Variants in FLT1 observed in about 807,000 individuals in gnomAD.
The protein encoded by FLT1 is fms related receptor tyrosine kinase 1.
In FLT1, 49 loss-of-function variants were observed where a neutral mutation model predicts 156.3. That is an observed-to-expected ratio of 0.31 (90% CI 0.25 to 0.40). The LOEUF is 0.40. FLT1 is among the 10% of genes least tolerant of loss of function. The probability of loss-of-function intolerance (pLI) is 1.00; values close to 1 mark genes in which losing one functional copy is unlikely to be tolerated. For synonymous variants in FLT1, 594 were observed against 583.8 expected (o/e 1.02, Z -0.25); for missense variants, 1,322 against 1,637.2 (o/e 0.81, Z 3.32).
At chr13:28,412,385 T>TTCCTTCCTTCC (rs1876326892) in intron 10 of FLT1, among the ~76,000 whole-genome samples, 1 of 84,940 alleles carries the variant, frequency 1.2e-5, no homozygotes, top group African/African-American at 3.7e-5. Context: ...TCTTTCTTTC[T>TTCCTTCCTTCC]TTCTTTCTTT....
chr13:28,406,723 G>A (rs888849107), intron 10 of FLT1, among the ~76,000 whole-genome samples: 2 of 152,072 alleles, frequency 1.3e-5, no homozygotes, highest in Non-Finnish European at 2.9e-5. Context: ...ATAGGTCACT[G>A]CAGCCTCGAA....
chr13:28,318,008 G>A (rs1350104808), intron 24 of FLT1, among the ~76,000 whole-genome samples: 1 of 152,094 alleles, frequency 6.6e-6, no homozygotes, highest in African/African-American at 2.4e-5. Context: ...CACCAGGCTG[G>A]AGTGTGGTGG....
intron 10 of FLT1, among the ~76,000 whole-genome samples, chr13:28,421,953 G>C (rs1472007025): frequency 6.6e-6 from 1 of 152,186 alleles, no homozygotes; most frequent in African/African-American, 2.4e-5. Context: ...TTGCTTCCTT[G>C]ATTCCCAATT....
At chr13:28,384,231 T>G (rs573508996) in intron 14 of FLT1, among the ~76,000 whole-genome samples, 23 of 152,148 alleles carry the variant, frequency 1.5e-4, no homozygotes, top group African/African-American at 4.8e-4. Context: ...GTCAGGAGTT[T>G]GAGACCAGCC....
At chr13:28,451,882 T>A (rs1878961376) in intron 3 of FLT1, among the ~76,000 whole-genome samples, 2 of 152,246 alleles carry the variant, frequency 1.3e-5, no homozygotes, top group South Asian at 4.2e-4. Flanking sequence ...GTGGAGGAAC[T>A]GGAGGTGGGA....
intron 14 of FLT1, among the ~76,000 whole-genome samples, chr13:28,369,057 A>G (rs918952729): frequency 2.6e-5 from 4 of 152,336 alleles, no homozygotes; most frequent in Admixed American, 2.6e-4. Context: ...ACTAAGAACC[A>G]GAAGAGCCAA....
chr13:28,309,336 C>T (rs572658788), intron 27 of FLT1, among the ~76,000 whole-genome samples: 5 of 130,582 alleles, frequency 3.8e-5, no homozygotes, highest in East Asian at 1.9e-4. Flanking sequence ...CATGGCTACA[C>T]GGCTAAATAT....
intron 10 of FLT1, among the ~76,000 whole-genome samples, chr13:28,419,721 T>A (rs540160396): frequency 6.6e-6 from 1 of 152,140 alleles, no homozygotes; most frequent in Admixed American, 6.5e-5. Flanking sequence ...CTACTAAAAT[T>A]ACAAAAAATT....
chr13:28,365,119 A>C (rs917791177), intron 14 of FLT1, among the ~76,000 whole-genome samples: 10 of 152,164 alleles, frequency 6.6e-5, no homozygotes, highest in Admixed American at 2.0e-4. Flanking sequence ...TTCTACCAAT[A>C]AGTGTTTTTA....
At position 28,449,817 on chromosome 13, in the gene FLT1, T is replaced by TTTTGTTTTG. The variant is rs529046673; in HGVS notation, c.389-11481_389-11473dup. 7.2e-5 allele frequency among the ~76,000 whole-genome samples: 11 copies of TTTTGTTTTG among 152,364 alleles called. No individual in the cohort carries two copies. In the South Asian group the frequency reaches 2.3e-3, roughly 32 times the overall value. The stretch of plus-strand genomic sequence containing the variant: ...AAGAAAGACATTGCTTTTTGTTTTG[T>TTTTGTTTTG]TTTGTTTTGTTTGTTTTGCATTGCT... On this transcript the variant is annotated intron_variant, in intron 3 of 29. Coordinates refer to ENST00000282397, the MANE Select transcript of FLT1 (RefSeq NM_002019.4).
intron 25 of FLT1, among the ~76,000 whole-genome samples, chr13:28,313,390 T>C (rs192443382): frequency 3.9e-4 from 60 of 152,312 alleles, no homozygotes; most frequent in African/African-American, 1.0e-3. Flanking sequence ...CAGAGGTCCA[T>C]ACACACACTG....
intron 13 of FLT1, chr13:28,388,626 C>T (rs1216857915): frequency 9.5e-7 from 1 of 1,054,508 alleles, no homozygotes; most frequent in Non-Finnish European, 1.1e-6. Flanking sequence ...TTTTAAATTA[C>T]TTTGAATTCT....
intron 14 of FLT1, among the ~76,000 whole-genome samples, chr13:28,369,650 A>G (rs1270721564): frequency 6.6e-6 from 1 of 152,244 alleles, no homozygotes; most frequent in African/African-American, 2.4e-5. Flanking sequence ...CCTAAGATCA[A>G]GCCTCATGGC....
chr13:28,308,751 A>G, intron 28 of FLT1, 92 bp downstream of exon 28: 1 of 830,054 alleles, frequency 1.2e-6, no homozygotes, highest in South Asian at 1.4e-5. Context: ...CTCACTGACC[A>G]AGAACTACTA....
At chr13:28,373,168 G>T (rs1355877200) in intron 14 of FLT1, among the ~76,000 whole-genome samples, 1 of 152,164 alleles carries the variant, frequency 6.6e-6, no homozygotes, top group Admixed American at 6.5e-5. Context: ...CTGTCCCACC[G>T]TGTGGAGGTG....
intron 1 of FLT1, among the ~76,000 whole-genome samples, chr13:28,492,340 G>T (rs1881516362): frequency 1.3e-5 from 2 of 152,198 alleles, no homozygotes; most frequent in South Asian, 4.1e-4. Flanking sequence ...CTTTCATCCA[G>T]GTTGTGATAC....
chr13:28,457,996 G>A lies in FLT1; in HGVS notation c.388+8907C>T, dbSNP rs143724873. On this transcript the variant is annotated intron_variant, in intron 3 of 29. Coordinates refer to ENST00000282397, the MANE Select transcript of FLT1 (RefSeq NM_002019.4). Reference sequence around the variant, plus strand: ...ATCGCCCAGGCTGGAGTGCAGTGGCGCAATCTTGGCTCACTGCAACCTCCA... The same window carrying A: ...ATCGCCCAGGCTGGAGTGCAGTGGCACAATCTTGGCTCACTGCAACCTCCA... Among the ~76,000 whole-genome samples, 657 of 141,352 alleles carry A rather than the reference G, an allele frequency of 4.6e-3. 5 individuals are homozygous for A. Among genetic ancestry groups the A allele is most frequent in the African/African-American group, 0.016 (606 of 36,746 alleles). The allele number at this position is 141,352 out of a possible 152,430, so 92.7% of individuals were successfully genotyped here. A position where few individuals can be genotyped will look rare whatever the true frequency, so the allele number is the denominator to read the frequency against.
chr13:28,341,037 C>A (rs957867694), intron 16 of FLT1, among the ~76,000 whole-genome samples: 1 of 152,150 alleles, frequency 6.6e-6, no homozygotes, highest in Non-Finnish European at 1.5e-5. Context: ...CCCTGAGAAA[C>A]AATCTCCAAT....
intron 1 of FLT1, among the ~76,000 whole-genome samples, chr13:28,474,404 G>A (rs1210494354): frequency 6.6e-6 from 1 of 151,846 alleles, no homozygotes; most frequent in Non-Finnish European, 1.5e-5. Context: ...TCAGTGAGCT[G>A]AGATTGCACC....
Sources: gnomAD v4.1 joint callset for allele counts (sites outside exome capture counted in the v4.1 genomes callset) on GRCh38, gnomAD v4.1.1 for gene constraint, MANE v1.5 for transcripts, NCBI Gene and HGNC (gene_info 2026-07-23, HGNC 2026-07-21) for gene names.